The following PTPRT variants were observed in gnomAD, a reference collection of about 807,000 sequenced individuals.
PTPRT encodes the protein protein tyrosine phosphatase receptor type T.
PTPRT carries 56 observed loss-of-function variants against 176.8 expected under a neutral mutation model. The ratio of observed to expected loss-of-function variants is 0.32; its 90% CI spans 0.26 to 0.40. PTPRT has a LOEUF of 0.40. Ranked by LOEUF, PTPRT falls within the 10% of genes least tolerant of loss-of-function variation. PTPRT has a pLI of 1.00. For missense variants in PTPRT, 1,540 were observed against 1,908.2 expected (o/e 0.81, Z 3.60); for synonymous variants, 783 against 739.0 (o/e 1.06, Z -0.96).
At chr20:42,731,922 A>C (rs780525823) in intron 6 of PTPRT, among the ~76,000 whole-genome samples, 1 of 152,292 alleles carries the variant, frequency 6.6e-6, no homozygotes, top group African/African-American at 2.4e-5. Flanking sequence ...CTCATTCTCC[A>C]GGTTTTAAAC....
At chr20:42,821,241 G>T (rs1336319592) in intron 2 of PTPRT, among the ~76,000 whole-genome samples, 3 of 152,178 alleles carry the variant, frequency 2.0e-5, no homozygotes, top group Admixed American at 1.3e-4. Flanking sequence ...TCCCTGAGAT[G>T]CAAGGCTGGT....
At chr20:43,019,942 A>T (rs59968974) in intron 1 of PTPRT, among the ~76,000 whole-genome samples, 41,131 of 151,606 alleles carry the variant, frequency 0.27, 7,861 homozygotes, top group African/African-American at 0.54. Context: ...GATTGATAGT[A>T]ACACCCTCGG....
intron 9 of PTPRT, among the ~76,000 whole-genome samples, chr20:42,372,386 C>T (rs543689087): frequency 1.4e-5 from 2 of 147,954 alleles, no homozygotes; most frequent in Non-Finnish European, 1.5e-5. Flanking sequence ...TGGGTTCAAG[C>T]GATTCTCCTG....
chr20:42,615,496 C>T (rs181257750), intron 7 of PTPRT, among the ~76,000 whole-genome samples: 3,380 of 138,772 alleles, frequency 0.024, 539 homozygotes, highest in Middle Eastern at 0.06. Context: ...GTTCTACATC[C>T]CTGAGGAATC....
intron 2 of PTPRT, among the ~76,000 whole-genome samples, chr20:42,873,787 T>C (rs1244367175): frequency 6.6e-6 from 1 of 152,224 alleles, no homozygotes; most frequent in Non-Finnish European, 1.5e-5. Flanking sequence ...AGATTAGATA[T>C]GGCAAATGGG....
chr20:42,927,456 G>T (rs1979561472), intron 1 of PTPRT, among the ~76,000 whole-genome samples: 1 of 152,196 alleles, frequency 6.6e-6, no homozygotes, highest in Non-Finnish European at 1.5e-5. Flanking sequence ...AAGCTACTTG[G>T]GAGACTGAGA....
In PTPRT at chr20:42,084,684, G is replaced by T; in HGVS notation, c.4134C>A (p.Cys1378Ter). 6.6e-7 allele frequency: 1 copy of T among 1,510,598 alleles called. No individual in the cohort carries two copies. The highest frequency in any genetic ancestry group is 8.9e-7 in the Non-Finnish European group (1 of 1,120,242). The allele number at this position is 1,510,598 out of a possible 1,614,324, so 93.6% of individuals were successfully genotyped here. Reference sequence around the variant, plus strand: ...GGTGACACCTCCCTAGTACTCACAGGCAGTGGACCACAGTACGTCCCTCCC... The same window carrying T: ...GGTGACACCTCCCTAGTACTCACAGTCAGTGGACCACAGTACGTCCCTCCC... ...DGREGRTVVHCLNGGGRSGTF... is the reference protein window; with the variant it reads ...DGREGRTVVH The change falls in exon 29 of 31, where the codon TGC becomes TGA. Residue 1378 changes from cysteine to a stop codon, truncating the protein, a stop_gained and splice_region_variant. Transcript: ENST00000373187. LOFTEE classifies it high-confidence loss of function.
At chr20:42,770,940 T>C (rs1435584094) in intron 5 of PTPRT, among the ~76,000 whole-genome samples, 2 of 152,226 alleles carry the variant, frequency 1.3e-5, no homozygotes, top group South Asian at 2.1e-4. Flanking sequence ...AACAAGATCA[T>C]AGATGCAGGG....
At chr20:42,135,432 C>T (rs1242678551) in intron 18 of PTPRT, among the ~76,000 whole-genome samples, 1 of 152,218 alleles carries the variant, frequency 6.6e-6, no homozygotes, top group Non-Finnish European at 1.5e-5. Context: ...GGGCCCCAGC[C>T]CAGACTCACT....
intron 3 of PTPRT, among the ~76,000 whole-genome samples, chr20:42,790,228 A>G (rs1316449022): frequency 1.3e-5 from 2 of 151,952 alleles, no homozygotes; most frequent in Non-Finnish European, 2.9e-5. Flanking sequence ...CATTGTTAAA[A>G]AAAAAAAAAA....
chr20:42,877,909 C>T (rs544559410), intron 2 of PTPRT, among the ~76,000 whole-genome samples: 3 of 152,284 alleles, frequency 2.0e-5, no homozygotes, highest in South Asian at 2.1e-4. Flanking sequence ...AGGGGACCAT[C>T]GACAGTGCCT....
At chr20:42,040,083 CCA>C in the PTPRT span, among the ~76,000 whole-genome samples, 5 of 151,544 alleles carry the variant, frequency 3.3e-5, no homozygotes, top group African/African-American at 9.7e-5. Flanking sequence ...TTTTTTTTCC[CCA>C]CAGTCTCACC....
intron 1 of PTPRT, among the ~76,000 whole-genome samples, chr20:43,146,300 G>A (rs989469402): frequency 6.6e-6 from 1 of 152,126 alleles, no homozygotes; most frequent in Non-Finnish European, 1.5e-5. Context: ...AATATTTGAC[G>A]AAAGACATAC....
intron 7 of PTPRT, among the ~76,000 whole-genome samples, chr20:42,478,502 A>G (rs2071329296): frequency 6.6e-6 from 1 of 152,020 alleles, no homozygotes; most frequent in African/African-American, 2.4e-5. Flanking sequence ...CCTGCCCCCA[A>G]ATGCCCCTGA....
chr20:43,017,224 A>T (rs902716019), intron 1 of PTPRT, among the ~76,000 whole-genome samples: 3 of 152,168 alleles, frequency 2.0e-5, no homozygotes, highest in Admixed American at 2.0e-4. Flanking sequence ...TAGTTCATCC[A>T]TTTAATTTTT....
At chr20:42,690,622 C>G (rs1363907545) in intron 6 of PTPRT, among the ~76,000 whole-genome samples, 3 of 152,208 alleles carry the variant, frequency 2.0e-5, no homozygotes, top group Non-Finnish European at 2.9e-5. Context: ...TTTCCCTGTG[C>G]AGTACCCCAG....
At chr20:42,876,772 C>T (rs1230869964) in intron 2 of PTPRT, among the ~76,000 whole-genome samples, 2 of 152,152 alleles carry the variant, frequency 1.3e-5, no homozygotes, top group Non-Finnish European at 2.9e-5. Flanking sequence ...AGGCCCCATG[C>T]AGGATACAAG....
intron 9 of PTPRT, among the ~76,000 whole-genome samples, chr20:42,366,463 T>G: frequency 1.3e-5 from 2 of 152,314 alleles, no homozygotes; most frequent in East Asian, 3.9e-4. Flanking sequence ...CACTGGCCAG[T>G]AGGGTCCATT....
intron 2 of PTPRT, among the ~76,000 whole-genome samples, chr20:42,793,012 G>A (rs938717848): frequency 2.0e-4 from 31 of 152,284 alleles, no homozygotes; most frequent in Admixed American, 1.6e-3. Flanking sequence ...CAGAGCAGGC[G>A]GATGGCCATG....
Sources: allele counts gnomAD v4.1 joint callset (sites outside exome capture counted in the v4.1 genomes callset), GRCh38; gene constraint gnomAD v4.1.1; transcripts MANE v1.5; gene names NCBI Gene and HGNC (gene_info 2026-07-23, HGNC 2026-07-21).